The following ITGA9 variants were observed in gnomAD, a reference collection of about 807,000 sequenced individuals.
ITGA9 encodes integrin alpha-9.
A neutral mutation model predicts 127.8 loss-of-function variants in ITGA9; 56 were observed. The ratio of observed to expected loss-of-function variants is 0.44; its 90% CI spans 0.35 to 0.55. The LOEUF is 0.55. Among genes scored for constraint, ITGA9 ranks in the 20% least tolerant of loss-of-function variants. ITGA9 has a pLI of 0.00. For missense variants in ITGA9, 1,196 were observed against 1,347.1 expected (o/e 0.89, Z 1.76); for synonymous variants, 508 against 514.5 (o/e 0.99, Z 0.17).
chr3:37,777,268 T>G (rs983579698), intron 23 of ITGA9, 124 bp from the exon 24 acceptor site: 6 of 1,136,668 alleles, frequency 5.3e-6, no homozygotes, highest in Non-Finnish European at 6.6e-6. Flanking sequence ...GTTCTCCACT[T>G]CAAAATGGAC....
At chr3:37,811,619 AAC>A (rs1254802338) in intron 27 of ITGA9, among the ~76,000 whole-genome samples, 5 of 152,128 alleles carry the variant, frequency 3.3e-5, no homozygotes, top group African/African-American at 9.7e-5. Flanking sequence ...AGTTTGCCAA[AAC>A]ATACAGGCCA....
Position 37,728,372 on chromosome 3 carries a change from G to T in ITGA9, c.2068-4340G>T, listed in dbSNP as rs537882030. Among the ~76,000 whole-genome samples the T allele has an allele frequency of 3.9e-5, 6 of 152,234 alleles. No homozygotes were observed. The South Asian group carries it at 1.2e-3, about 32-fold the overall frequency. ...CAAAATTTGTATTTTTAATTGAATTGATTTTTTAAATTGAATCCATTTTAA... is the reference window on the plus strand; with the variant it reads ...CAAAATTTGTATTTTTAATTGAATTTATTTTTTAAATTGAATCCATTTTAA... On this transcript the variant is annotated intron_variant, in intron 18 of 27. Coordinates refer to ENST00000264741, the MANE Select transcript of ITGA9 (RefSeq NM_002207.3).
chr3:37,723,373 T>C (rs1701212612), intron 18 of ITGA9, among the ~76,000 whole-genome samples: 1 of 152,122 alleles, frequency 6.6e-6, no homozygotes, highest in Non-Finnish European at 1.5e-5. Context: ...TTTATTATTA[T>C]TATTTGAGGC....
chr3:37,688,171 C>G (rs544299950), intron 18 of ITGA9, among the ~76,000 whole-genome samples: 4 of 152,142 alleles, frequency 2.6e-5, no homozygotes, highest in African/African-American at 9.7e-5. Context: ...ATGTGGGAAG[C>G]CTTTGACCTG....
chr3:37,490,642 G>C (rs1455951556), intron 4 of ITGA9, among the ~76,000 whole-genome samples: 2 of 152,200 alleles, frequency 1.3e-5, no homozygotes, highest in Non-Finnish European at 2.9e-5. Context: ...CACCCGATTG[G>C]TGGTCTGCTT....
chr3:37,682,859 C>G (rs777796366), intron 17 of ITGA9, among the ~76,000 whole-genome samples: 3 of 152,172 alleles, frequency 2.0e-5, no homozygotes, highest in Admixed American at 6.5e-5. Flanking sequence ...CTTCTCACCC[C>G]CTCAGCTGCC....
rs780592647 is a variant in ITGA9, at chr3:37,508,604, A to T, written c.874A>T (p.Ile292Phe). ...ADRRSGTLIKIFQASGKKMGS... is the reference protein window; with the variant it reads ...ADRRSGTLIKFFQASGKKMGS... ...CCGAAGATCAGGCACCTTAATTAAG[A>T]TCTTTCAAGCATCAGGTAAAAAGGT... is the stretch of plus-strand genomic sequence containing the variant. Residue 292 changes from isoleucine to phenylalanine, a missense_variant, in exon 8 of 28, where the codon ATC becomes TTC. By Grantham distance (21) the Ile-to-Phe change is conservative (BLOSUM62 0). Transcript: ENST00000264741. The T allele has an allele frequency of 3.7e-6, 6 of 1,613,802 alleles. No individual in the cohort carries two copies. The Admixed American group carries it at 1.0e-4, about 27-fold the overall frequency.
chr3:37,664,954 T>G (rs1340941305), intron 17 of ITGA9, among the ~76,000 whole-genome samples: 1 of 151,286 alleles, frequency 6.6e-6, no homozygotes, highest in Non-Finnish European at 1.5e-5. Flanking sequence ...AGAAGTTTGT[T>G]GATTTGGAGT....
intron 14 of ITGA9, among the ~76,000 whole-genome samples, chr3:37,539,267 G>T (rs1303061178): frequency 6.6e-6 from 1 of 152,220 alleles, no homozygotes; most frequent in Non-Finnish European, 1.5e-5. Context: ...CAGAGCCTGG[G>T]TCAAGGATCT....
At chr3:37,606,146 GT>G (rs1350583811) in intron 15 of ITGA9, among the ~76,000 whole-genome samples, 3 of 152,204 alleles carry the variant, frequency 2.0e-5, no homozygotes, top group Non-Finnish European at 1.5e-5. Context: ...AACAAAGCAA[GT>G]CTATTTTTCA....
chr3:37,812,119 A>T (rs1697375524), intron 27 of ITGA9, among the ~76,000 whole-genome samples: 1 of 152,170 alleles, frequency 6.6e-6, no homozygotes, highest in African/African-American at 2.4e-5. Flanking sequence ...ACACATGCCC[A>T]TGTGCTTGCA....
At chr3:37,534,394 C>T (rs1301270881) in intron 14 of ITGA9, among the ~76,000 whole-genome samples, 4 of 152,336 alleles carry the variant, frequency 2.6e-5, no homozygotes, top group South Asian at 2.1e-4. Flanking sequence ...CTTTGGGCTC[C>T]GCTTTGGACT....
chr3:37,758,089 C>T lies in ITGA9; in HGVS notation c.2541+7520C>T, dbSNP rs554630770. On this transcript the variant is annotated intron_variant, in intron 23 of 27. Coordinates refer to ENST00000264741, the MANE Select transcript of ITGA9 (RefSeq NM_002207.3). ...CTGTAATCCCAGCACTTTGGGAGGC[C>T]GAGGCGGGTGGATCATGAGGTCAGG... Among the ~76,000 whole-genome samples the T allele has an allele frequency of 2.9e-3, 434 of 150,300 alleles. 3 individuals carry two copies. Among genetic ancestry groups the T allele is most frequent in the Non-Finnish European group, 4.7e-3 (319 of 67,712 alleles).
At chr3:37,589,788 G>A (rs959158948) in intron 15 of ITGA9, among the ~76,000 whole-genome samples, 2 of 152,182 alleles carry the variant, frequency 1.3e-5, no homozygotes, top group Non-Finnish European at 2.9e-5. Context: ...ATTAAGAGAC[G>A]AGGTCAGAGA....
intron 4 of ITGA9, among the ~76,000 whole-genome samples, chr3:37,488,923 C>T (rs1698638742): frequency 6.6e-6 from 1 of 152,276 alleles, no homozygotes; most frequent in East Asian, 1.9e-4. Context: ...ACCATCCATC[C>T]CCAGAACTTT....
rs1436509131 is a variant in ITGA9, at chr3:37,657,820, G to A, written c.1916+4030G>A. Among the ~76,000 whole-genome samples the A allele has an allele frequency of 2.0e-5, 3 of 152,178 alleles. No homozygotes were observed. In the East Asian group the frequency reaches 5.8e-4, roughly 29 times the overall value. On this transcript the variant is annotated intron_variant, in intron 17 of 27. Transcript: ENST00000264741. ...TTTTAGATCTTTCCTGCTTTCTCCT[G>A]TGGGCATTTAGTGCTATAAATTTTC...
chr3:37,738,095 T>C (rs1235391582), intron 20 of ITGA9, among the ~76,000 whole-genome samples: 3 of 152,256 alleles, frequency 2.0e-5, no homozygotes, highest in Non-Finnish European at 4.4e-5. Context: ...TAATGTCTTT[T>C]TAGCCGCTTC....
chr3:37,776,027 T>G (rs1575232459), intron 23 of ITGA9, among the ~76,000 whole-genome samples: 1 of 152,316 alleles, frequency 6.6e-6, no homozygotes, highest in East Asian at 1.9e-4. Context: ...TCATGCCCTT[T>G]GCAGGAACAT....
At chr3:37,463,885 A>T (rs1333610280) in intron 1 of ITGA9, among the ~76,000 whole-genome samples, 1 of 152,234 alleles carries the variant, frequency 6.6e-6, no homozygotes, top group Non-Finnish European at 1.5e-5. Flanking sequence ...GAGGCTCTCT[A>T]AAAGAAAATG....
Sources: allele counts gnomAD v4.1 joint callset (sites outside exome capture counted in the v4.1 genomes callset), GRCh38; gene constraint gnomAD v4.1.1; transcripts MANE v1.5; gene names NCBI Gene and HGNC (gene_info 2026-07-23, HGNC 2026-07-21).